The following RNF220 variants were observed in gnomAD, a reference collection of about 807,000 sequenced individuals.
RNF220 encodes ring finger protein 220, also known as E3 ubiquitin-protein ligase RNF220.
Under a neutral mutation model 67.1 loss-of-function variants are expected in RNF220, and 7 were observed. That is an observed-to-expected ratio of 0.10 (90% CI 0.06 to 0.20). The LOEUF (loss-of-function observed/expected upper bound fraction) is 0.20, where lower values mean the gene tolerates loss of function less well. Ranked by LOEUF, RNF220 falls within the 10% of genes least tolerant of loss-of-function variation. The probability of loss-of-function intolerance (pLI) is 1.00; values close to 1 mark genes in which losing one functional copy is unlikely to be tolerated. For synonymous variants in RNF220, 270 were observed against 283.2 expected, an observed-to-expected ratio of 0.95 and a Z score of 0.47; for missense variants, 565 against 740.3, an observed-to-expected ratio of 0.76 and a Z score of 2.75.
At chr1:44,602,492 G>A (rs1666991494) in intron 2 of RNF220, among the ~76,000 whole-genome samples, 1 of 152,022 alleles carries the variant, frequency 6.6e-6, no homozygotes, top group African/African-American at 2.4e-5. Flanking sequence ...TTATTGGCAT[G>A]GTCCTCTGTC....
chr1:44,514,913 G>C (rs1158767833), intron 2 of RNF220, among the ~76,000 whole-genome samples: 4 of 152,104 alleles, frequency 2.6e-5, no homozygotes, highest in Non-Finnish European at 5.9e-5. Flanking sequence ...CAGCAGGGCA[G>C]GTAGAGTTTA....
At chr1:44,636,787 T>G (rs912181415) in intron 8 of RNF220, among the ~76,000 whole-genome samples, 1 of 152,200 alleles carries the variant, frequency 6.6e-6, no homozygotes, top group African/African-American at 2.4e-5. Flanking sequence ...TCCCTTGGGC[T>G]CTCCCCAGTT....
chr1:44,580,605 G>T (rs906423429), intron 2 of RNF220, among the ~76,000 whole-genome samples: 3 of 152,222 alleles, frequency 2.0e-5, no homozygotes, highest in African/African-American at 7.2e-5. Context: ...CAGCAAAGCC[G>T]CCTGAGGATG....
chr1:44,536,820 C>T (rs1046114902), intron 2 of RNF220, among the ~76,000 whole-genome samples: 1 of 152,074 alleles, frequency 6.6e-6, no homozygotes, highest in Admixed American at 6.6e-5. Context: ...CAGTATATAA[C>T]GTTTTATGGT....
In RNF220 at chr1:44,649,716, G is replaced by A. The variant is rs1240763731; in HGVS notation, c.1501G>A (p.Glu501Lys). 6.8e-6 allele frequency: 11 copies of A among 1,613,942 alleles called. No individual in the cohort carries two copies. Among genetic ancestry groups the A allele is most frequent in the South Asian group, 1.1e-5 (1 of 91,084 alleles). ...TGAGGCTCTGAAGGCTCGGGTCAGA[G>A]AACTTGAACGGCAGCTATCTCGTGG... ...TFEALKARVRELERQLSRGDR... is the reference protein window; with the variant it reads ...TFEALKARVRKLERQLSRGDR... The change falls in exon 13 of 15, where the codon GAA becomes AAA. Residue 501 changes from glutamate to lysine, a missense_variant. Transcript: ENST00000361799. The surrounding 1 kb of genome is among the most constrained non-coding windows in gnomAD (Gnocchi z 5.9).
In RNF220 at chr1:44,473,950, T is replaced by C. The variant is rs150736524; in HGVS notation, c.625+61228T>C. 2.8e-3 allele frequency among the ~76,000 whole-genome samples: 420 copies of C among 152,316 alleles called. 1 individual carries two copies. Among genetic ancestry groups the C allele is most frequent in the African/African-American group, 9.8e-3 (409 of 41,576 alleles). ...AGCTGTACTTGTTTCTAAGCCTCTT[T>C]ATACCAGTGCTAGTTATTATTGCAA... On this transcript the variant is annotated intron_variant, in intron 2 of 14. Coordinates refer to ENST00000361799, the MANE Select transcript of RNF220 (RefSeq NM_018150.4).
chr1:44,507,066 A>G (rs1191569554), intron 2 of RNF220, among the ~76,000 whole-genome samples: 3 of 152,172 alleles, frequency 2.0e-5, no homozygotes, highest in Non-Finnish European at 4.4e-5. Context: ...GAGATCCTCC[A>G]GCCCCATAGC....
chr1:44,466,575 T>A lies in RNF220; in HGVS notation c.625+53853T>A, dbSNP rs560884137. 3.3e-5 allele frequency among the ~76,000 whole-genome samples: 5 copies of A among 152,346 alleles called. No homozygotes were observed. The East Asian group carries it at 7.7e-4, about 23-fold the overall frequency. ...AAATGTATTTGTTAAGTAATAAGAC[T>A]TGAAAGTTGAAATTACTCCCTGATC... On this transcript the variant is annotated intron_variant, in intron 2 of 14. Transcript: ENST00000361799.
At chr1:44,475,346 G>A (rs1171020422) in intron 2 of RNF220, among the ~76,000 whole-genome samples, 2 of 151,882 alleles carry the variant, frequency 1.3e-5, no homozygotes, top group Non-Finnish European at 2.9e-5. Context: ...CGAGGCGGGC[G>A]GATCACTTAA....
intron 2 of RNF220, among the ~76,000 whole-genome samples, chr1:44,580,263 C>A (rs1451981862): frequency 2.0e-5 from 3 of 151,944 alleles, no homozygotes; most frequent in African/African-American, 7.3e-5. Flanking sequence ...AGATGCTGTG[C>A]TTTTTTCCCC....
At chr1:44,430,896 G>C (rs1469208725) in intron 2 of RNF220, among the ~76,000 whole-genome samples, 1 of 152,182 alleles carries the variant, frequency 6.6e-6, no homozygotes, top group East Asian at 1.9e-4. Context: ...TATGGGACAG[G>C]CTTATAACCT....
At chr1:44,627,065 G>T (rs1198190837) in intron 5 of RNF220, 21 of 105,822 alleles carry the variant, frequency 2.0e-4, no homozygotes, top group African/African-American at 7.7e-4. Flanking sequence ...AAAAAAAAAA[G>T]GCTAGGCGTG....
intron 2 of RNF220, among the ~76,000 whole-genome samples, chr1:44,430,226 T>C (rs1557917520): frequency 6.6e-6 from 1 of 152,174 alleles, no homozygotes; most frequent in Non-Finnish European, 1.5e-5. Context: ...GACTTTTTCT[T>C]GTATGCTCTT....
chr1:44,462,019 C>T (rs1653825129), intron 2 of RNF220, among the ~76,000 whole-genome samples: 2 of 149,302 alleles, frequency 1.3e-5, no homozygotes, highest in African/African-American at 5.0e-5. Context: ...CCTCCATCTC[C>T]CAGATTCAAG....
At chr1:44,415,945 C>G (rs1557902939) in intron 2 of RNF220, among the ~76,000 whole-genome samples, 1 of 152,184 alleles carries the variant, frequency 6.6e-6, no homozygotes, top group African/African-American at 2.4e-5. Flanking sequence ...AATCTGGGTA[C>G]TGGTAGGCAG....
In RNF220 at chr1:44,405,374, C is replaced by CCTACTGCTG. The variant is rs1553208882; in HGVS notation, c.-271_-263dup. Reference sequence around the variant, plus strand: ...GCGAACACAAACCCGGGGCCAGCCGCCTACTGCTGCTGCTGCTGCTGCCGC... The same window carrying CCTACTGCTG: ...GCGAACACAAACCCGGGGCCAGCCGCCTACTGCTGCTACTGCTGCTGCTGCTGCTGCCGC... On this transcript the variant is annotated 5_prime_UTR_variant, in exon 1 of 15. Coordinates refer to ENST00000361799, the MANE Select transcript of RNF220 (RefSeq NM_018150.4). 3.8e-5 allele frequency: 22 copies of CCTACTGCTG among 578,714 alleles called. No homozygotes were observed. Among genetic ancestry groups the CCTACTGCTG allele is most frequent in the African/African-American group, 4.2e-5 (2 of 48,184 alleles). 35.8% of individuals were successfully genotyped at this position (578,714 alleles called of 1,614,324 possible). A position where few individuals can be genotyped will look rare whatever the true frequency, so the allele number is the denominator to read the frequency against.
At chr1:44,525,200 G>T (rs1032328325) in intron 2 of RNF220, among the ~76,000 whole-genome samples, 3 of 152,156 alleles carry the variant, frequency 2.0e-5, no homozygotes, top group African/African-American at 7.2e-5. Flanking sequence ...GTAACAAGAA[G>T]ATCCCCTACT....
At chr1:44,562,792 A>G (rs1398626682) in intron 2 of RNF220, among the ~76,000 whole-genome samples, 1 of 152,218 alleles carries the variant, frequency 6.6e-6, no homozygotes, top group Non-Finnish European at 1.5e-5. Context: ...CTGGGCCATT[A>G]GAAATCAAAG....
intron 2 of RNF220, among the ~76,000 whole-genome samples, chr1:44,567,955 C>G (rs181023420): frequency 6.6e-6 from 1 of 152,290 alleles, no homozygotes; most frequent in Non-Finnish European, 1.5e-5. Context: ...GCTCCTCAGA[C>G]TCAACTTGTC....
Sources: gnomAD v4.1 joint callset for allele counts (sites outside exome capture counted in the v4.1 genomes callset) on GRCh38, gnomAD v4.1.1 for gene constraint, Gnocchi (gnomAD v3.1) non-coding constraint, MANE v1.5 for transcripts, NCBI Gene and HGNC (gene_info 2026-07-23, HGNC 2026-07-21) for gene names.